Variants in CATSPERB observed in about 807,000 individuals in gnomAD.
CATSPERB encodes cation channel sperm-associated auxiliary subunit beta.
CATSPERB carries 93 observed loss-of-function variants against 128.3 expected under a neutral mutation model. The observed-to-expected ratio is 0.72, with a 90% CI of 0.61 to 0.86. CATSPERB has a LOEUF of 0.86. CATSPERB is among the 40% of genes least tolerant of loss of function. The probability of loss-of-function intolerance (pLI) is 0.00; values close to 1 mark genes in which losing one functional copy is unlikely to be tolerated. For missense variants in CATSPERB, 1,153 were observed against 1,329.5 expected (o/e 0.87, Z 2.06); for synonymous variants, 381 against 448.8 (o/e 0.85, Z 1.91).
intron 19 of CATSPERB, among the ~76,000 whole-genome samples, chr14:91,619,341 A>G (rs1894000143): frequency 6.6e-6 from 1 of 152,206 alleles, no homozygotes; most frequent in African/African-American, 2.4e-5. Context: ...AAACCATAAA[A>G]TTAAAACTTC....
chr14:91,659,698 C>A (rs1337474866), intron 15 of CATSPERB, 139 bp downstream of exon 15: 6 of 741,080 alleles, frequency 8.1e-6, no homozygotes, highest in Non-Finnish European at 1.3e-5. Flanking sequence ...TAGGATCCTA[C>A]TTCTGTAGAT....
At chr14:91,625,096 T>C (rs1027634668) in intron 17 of CATSPERB, 89 bp from the exon 18 acceptor site, 18 of 738,508 alleles carry the variant, frequency 2.4e-5, no homozygotes, top group Non-Finnish European at 4.2e-6. Flanking sequence ...AAAGAAAGTA[T>C]ACCACAAATA....
intron 17 of CATSPERB, among the ~76,000 whole-genome samples, chr14:91,633,740 A>G (rs1894317311): frequency 6.6e-6 from 1 of 152,034 alleles, no homozygotes; most frequent in African/African-American, 2.4e-5. Context: ...TTAAAACCCA[A>G]ACTCTAAATC....
chr14:91,651,608 T>C (rs539268473), intron 15 of CATSPERB, among the ~76,000 whole-genome samples: 5 of 152,188 alleles, frequency 3.3e-5, no homozygotes, highest in Non-Finnish European at 7.3e-5. Flanking sequence ...GCTTACACAC[T>C]TAATGAGTGA....
chr14:91,714,643 T>TC (rs1161797696), intron 5 of CATSPERB, among the ~76,000 whole-genome samples: 4 of 144,770 alleles, frequency 2.8e-5, no homozygotes, highest in African/African-American at 1.0e-4. Context: ...CACTGCAACC[T>TC]CTGCCTCCTG....
At chr14:91,682,728 C>T (rs559072546) in intron 11 of CATSPERB, among the ~76,000 whole-genome samples, 5 of 152,268 alleles carry the variant, frequency 3.3e-5, no homozygotes, top group African/African-American at 1.2e-4. Context: ...GGTGGTTTTA[C>T]CCACTAGCCA....
At chr14:91,590,833 A>C (rs1022455804) in intron 23 of CATSPERB, among the ~76,000 whole-genome samples, 2 of 151,348 alleles carry the variant, frequency 1.3e-5, no homozygotes, top group Non-Finnish European at 1.5e-5. Context: ...TTGTATTTTT[A>C]GTAGAGACAG....
intron 22 of CATSPERB, chr14:91,604,952 T>G (rs1893673530): frequency 8.5e-7 from 1 of 1,180,018 alleles, no homozygotes; most frequent in Non-Finnish European, 1.3e-6. Context: ...TTGCATCTGC[T>G]GGAGGCTGAA....
rs112422915 is a variant in CATSPERB at position 91,715,290 on chromosome 14, G to A, written c.370+4128C>T. On this transcript the variant is annotated intron_variant, in intron 5 of 26. Transcript: ENST00000256343. ...GATATTGACTCTCCCAGCAAGGCAT[G>A]GTGGTTCATGCCTATAATCCTAGCA... 5.9e-3 allele frequency among the ~76,000 whole-genome samples: 891 copies of A among 152,162 alleles called. 11 individuals are homozygous for A. Among genetic ancestry groups the A allele is most frequent in the African/African-American group, 0.02 (836 of 41,514 alleles).
intron 15 of CATSPERB, among the ~76,000 whole-genome samples, chr14:91,654,127 A>G (rs1704675): frequency 0.78 from 119,262 of 152,052 alleles, 46,987 homozygotes; most frequent in East Asian, 0.92. Flanking sequence ...GATTAGAAAA[A>G]GAGGGATTAT....
chr14:91,590,792 A>G (rs1038261257), intron 23 of CATSPERB, among the ~76,000 whole-genome samples: 4 of 151,770 alleles, frequency 2.6e-5, no homozygotes, highest in African/African-American at 7.3e-5. Context: ...CTGGGACTAC[A>G]GGCGCCCACC....
intron 17 of CATSPERB, among the ~76,000 whole-genome samples, chr14:91,631,956 G>A (rs1006909443): frequency 6.6e-6 from 1 of 151,758 alleles, no homozygotes; most frequent in Non-Finnish European, 1.5e-5. Flanking sequence ...GGGTGTAAAA[G>A]TCCCAATCAA....
In CATSPERB at chr14:91,669,830, T is replaced by C; in HGVS notation, c.1271A>G (p.Tyr424Cys). The change falls in exon 14 of 27, where the codon TAT becomes TGT. Residue 424 changes from tyrosine (Y) to cysteine (C), a missense_variant. Transcript: ENST00000256343. The stretch of plus-strand genomic sequence containing the variant: ...TGTACGCACCTGATTGCCATAAGCA[T>C]ACAAAAAGTGGCTTCGGGGATGAAA... ...MVFHPRSHFL[Y>C]AYGNQIWLSV... is the part of the protein sequence containing the mutation. 2.5e-6 allele frequency: 4 copies of C among 1,612,634 alleles called. No homozygotes were observed. Among genetic ancestry groups the C allele is most frequent in the Non-Finnish European group, 3.4e-6 (4 of 1,179,566 alleles).
At chr14:91,685,055 C>T (rs1470237198) in intron 10 of CATSPERB, among the ~76,000 whole-genome samples, 4 of 152,048 alleles carry the variant, frequency 2.6e-5, no homozygotes, top group Admixed American at 6.6e-5. Context: ...GCCTCCCAAA[C>T]AGCTGGGACT....
intron 22 of CATSPERB, among the ~76,000 whole-genome samples, chr14:91,602,891 CATT>C (rs1396939068): frequency 1.3e-5 from 2 of 152,148 alleles, no homozygotes; most frequent in African/African-American, 2.4e-5. Flanking sequence ...TCTGCAGCAT[CATT>C]GTCATCATCA....
At chr14:91,646,761 C>T (rs548893778) in intron 15 of CATSPERB, among the ~76,000 whole-genome samples, 1 of 152,276 alleles carries the variant, frequency 6.6e-6, no homozygotes, top group Non-Finnish European at 1.5e-5. Context: ...CTAATTCAGC[C>T]CTCCAATACA....
intron 20 of CATSPERB, among the ~76,000 whole-genome samples, chr14:91,613,006 A>C (rs1893864852): frequency 6.6e-6 from 1 of 152,246 alleles, no homozygotes; most frequent in Non-Finnish European, 1.5e-5. Flanking sequence ...CAGTTCAAAC[A>C]AACTGACTAT....
intron 12 of CATSPERB, among the ~76,000 whole-genome samples, 170 bp from the exon 13 acceptor site, chr14:91,673,186 T>C (rs1895129320): frequency 6.6e-6 from 1 of 152,070 alleles, no homozygotes; most frequent in South Asian, 2.1e-4. Context: ...TTAAACTCCC[T>C]GGTCTTAAAA....
intron 15 of CATSPERB, among the ~76,000 whole-genome samples, chr14:91,654,514 T>A (rs1054487047): frequency 6.6e-6 from 1 of 152,128 alleles, no homozygotes; most frequent in Non-Finnish European, 1.5e-5. Flanking sequence ...GGAGAGAGAC[T>A]GCTCTGCTTC....
Sources: gnomAD v4.1 joint callset for allele counts (sites outside exome capture counted in the v4.1 genomes callset) on GRCh38, gnomAD v4.1.1 for gene constraint, MANE v1.5 for transcripts, NCBI Gene and HGNC (gene_info 2026-07-23, HGNC 2026-07-21) for gene names.